The following UTY variants were observed in gnomAD, a reference collection of about 807,000 sequenced individuals.
The protein encoded by UTY is ubiquitously transcribed tetratricopeptide repeat containing, Y-linked, also known as histone demethylase UTY.
A neutral mutation model predicts 32.5 loss-of-function variants in UTY; 12 were observed. The observed-to-expected ratio is 0.37, with a 90% CI of 0.24 to 0.60. UTY has a LOEUF of 0.60. Ranked by LOEUF, UTY falls within the 20% of genes least tolerant of loss-of-function variation. The pLI is 0.69. For missense variants in UTY, 303 were observed against 299.2 expected (o/e 1.01, Z -0.09); for synonymous variants, 131 against 103.4 (o/e 1.27, Z -1.62).
chrY:13,460,227 T>C (rs2077230046), intron 3 of UTY, among the ~76,000 whole-genome samples: 2 of 33,021 alleles, frequency 6.1e-5, no homozygotes, highest in South Asian at 6.5e-4. Flanking sequence ...AATATATTTA[T>C]ATAAAGAAAA....
chrY:13,473,457 C>T (rs2078718924), intron 2 of UTY, among the ~76,000 whole-genome samples: 1 of 33,519 alleles, frequency 3.0e-5, no homozygotes, highest in African/African-American at 1.2e-4. Flanking sequence ...TATTGTTTCA[C>T]GCAGGAAAAA....
At chrY:13,427,006 T>C (rs2073394970) in intron 4 of UTY, among the ~76,000 whole-genome samples, 1 of 33,830 alleles carries the variant, frequency 3.0e-5, no homozygotes, top group Non-Finnish European at 7.4e-5. Flanking sequence ...TTGAAAACAA[T>C]GACAGCTACA....
chrY:13,431,107 T>C, intron 4 of UTY, among the ~76,000 whole-genome samples: 1 of 33,166 alleles, frequency 3.0e-5, no homozygotes, highest in Non-Finnish European at 7.4e-5. Context: ...AAGGGATCAT[T>C]CACAGGCTTC....
In UTY at chrY:13,242,116, C is replaced by T. The variant is rs574544271; in HGVS notation, c.*1477-7290G>A. Among the ~76,000 whole-genome samples the T allele has an allele frequency of 4.5e-4, 15 of 33,099 alleles. No homozygotes were observed. In the East Asian group the frequency reaches 9.2e-3, roughly 20 times the overall value. 88.8% of individuals were successfully genotyped at this position (33,099 alleles called of 37,273 possible). A position where few individuals can be genotyped will look rare whatever the true frequency, so the allele number is the denominator to read the frequency against. On this transcript the variant is annotated intron_variant and NMD_transcript_variant, in intron 28 of 28. Transcript: ENST00000682112. ...AAACAATCAAGAATAAATAAAAAAA[C>T]GCTGAAGAATAAAAAGTAGTGATAT... is the stretch of plus-strand genomic sequence containing the variant.
Position 13,260,329 on chromosome Y carries a change from T to C in UTY, c.4086A>G (p.Ile1362Met). The C allele has an allele frequency of 2.5e-6, 1 of 397,875 alleles. No homozygotes were observed. The change falls in exon 28 of 30, where the codon ATA becomes ATG. Residue 1362 changes from isoleucine (I) to methionine (M), a missense_variant. By Grantham distance (10) the Ile-to-Met change is conservative. Coordinates refer to ENST00000545955, the MANE Select transcript of UTY (RefSeq NM_001258249.2). ...GTTCATCATTTGTCCGCCCATGCCA[T>C]ATAACCTCTTTTCCTGCTGCAACAA... ...EALVAAGKEV[I>M]WHGRTNDEPA... is the part of the protein sequence containing the mutation.
chrY:13,349,617 GCT>G (rs2062188599), intron 17 of UTY, among the ~76,000 whole-genome samples: 1 of 32,713 alleles, frequency 3.1e-5, no homozygotes, highest in Non-Finnish European at 7.4e-5. Flanking sequence ...CTTGGGTCTT[GCT>G]CTCTCTCTTG....
chrY:13,328,199 C>A, intron 18 of UTY, among the ~76,000 whole-genome samples: 6 of 33,501 alleles, frequency 1.8e-4, no homozygotes, highest in Admixed American at 1.1e-3. Context: ...TGCACTCCAG[C>A]CTGGCTGACA....
At chrY:13,323,289 G>A in intron 21 of UTY, 4 of 86,239 alleles carry the variant, frequency 4.6e-5, no homozygotes, top group Non-Finnish European at 9.4e-5. Flanking sequence ...CCAGCTATTC[G>A]GGAGGCTGAG....
At chrY:13,426,553 A>C in intron 4 of UTY, among the ~76,000 whole-genome samples, 1 of 33,558 alleles carries the variant, frequency 3.0e-5, no homozygotes. Flanking sequence ...ATCAAAACTC[A>C]AAACAAAGCA....
chrY:13,302,030 T>A (rs2148755391), intron 25 of UTY, among the ~76,000 whole-genome samples: 1 of 34,057 alleles, frequency 2.9e-5, no homozygotes, highest in East Asian at 7.6e-4. Context: ...GAAATTACTT[T>A]GTGAAACATG....
intron 17 of UTY, among the ~76,000 whole-genome samples, chrY:13,348,228 G>GA (rs2149155819): frequency 3.0e-5 from 1 of 33,704 alleles, no homozygotes; most frequent in African/African-American, 1.2e-4. Flanking sequence ...GAGAATGCTG[G>GA]AGACAATAGC....
At chrY:13,277,781 C>T (rs2056782434) in intron 27 of UTY, among the ~76,000 whole-genome samples, 1 of 33,371 alleles carries the variant, frequency 3.0e-5, no homozygotes, top group African/African-American at 1.2e-4. Context: ...CTCTTGGGTA[C>T]TAAATGAACA....
chrY:13,428,366 T>C (rs1016722151), intron 4 of UTY, among the ~76,000 whole-genome samples: 138 of 33,701 alleles, frequency 4.1e-3, no homozygotes, highest in Non-Finnish European at 9.1e-3. Context: ...TTTTGGTACA[T>C]GGTGAAAGGT....
chrY:13,291,939 A>G, intron 27 of UTY, among the ~76,000 whole-genome samples: 1 of 33,058 alleles, frequency 3.0e-5, no homozygotes, highest in Admixed American at 2.8e-4. Flanking sequence ...GACCTTCGAC[A>G]TGATAAAAAC....
At chrY:13,273,993 A>G (rs2056471297) in intron 27 of UTY, among the ~76,000 whole-genome samples, 1 of 31,413 alleles carries the variant, frequency 3.2e-5, no homozygotes, top group Non-Finnish European at 7.7e-5. Context: ...AAAAAAAAAA[A>G]AGTCTAACCT....
At chrY:13,470,264 C>T (rs1462530901) in intron 2 of UTY, 35 bp from the exon 3 acceptor site, 4 of 316,196 alleles carry the variant, frequency 1.3e-5, no homozygotes, top group Admixed American at 9.4e-5. Context: ...AAGAAAAAGG[C>T]ATGTCCTTCC....
At chrY:13,271,371 A>C in intron 27 of UTY, among the ~76,000 whole-genome samples, 1 of 33,563 alleles carries the variant, frequency 3.0e-5, no homozygotes, top group Non-Finnish European at 7.4e-5. Context: ...AAATGTAACA[A>C]TGAGGGGCTT....
chrY:13,429,963 C>G, intron 4 of UTY, among the ~76,000 whole-genome samples: 1 of 34,000 alleles, frequency 2.9e-5, no homozygotes, highest in African/African-American at 1.1e-4. Context: ...TGTGCACTCA[C>G]AACTGCTCCA....
At chrY:13,337,575 T>C in intron 17 of UTY, among the ~76,000 whole-genome samples, 1 of 33,538 alleles carries the variant, frequency 3.0e-5, no homozygotes, top group Non-Finnish European at 7.4e-5. Flanking sequence ...AGAAAGCCAG[T>C]AGGTTTGCAT....
Sources: allele counts gnomAD v4.1 joint callset (sites outside exome capture counted in the v4.1 genomes callset), GRCh38; gene constraint gnomAD v4.1.1; transcripts MANE v1.5; gene names NCBI Gene and HGNC (gene_info 2026-07-23, HGNC 2026-07-21).